Variants in RPA3 observed in about 807,000 individuals in gnomAD.
RPA3 encodes the protein replication protein A 14 kDa subunit.
A neutral mutation model predicts 13.7 loss-of-function variants in RPA3; 24 were observed. That is an observed-to-expected ratio of 1.75 (90% confidence interval 1.27 to 2.46). The LOEUF (loss-of-function observed/expected upper bound fraction) is 2.46, where lower values mean the gene tolerates loss of function less well. RPA3 is among the 30% of genes most tolerant of loss of function. The pLI is 0.00. For synonymous variants in RPA3, 59 were observed against 51.2 expected (o/e 1.15, Z -0.65); for missense variants, 183 against 151.0 (o/e 1.21, Z -1.11).
At chr7:7,639,796 G>A (rs979726964) in intron 5 of RPA3, 1 of 159,704 alleles carries the variant, frequency 6.3e-6, no homozygotes, top group African/African-American at 2.4e-5. Context: ...CTGATTCCAA[G>A]ACTTTGGGCC....
At chr7:7,697,076 G>C (rs74960414) in intron 2 of RPA3, among the ~76,000 whole-genome samples, 6,929 of 152,132 alleles carry the variant, frequency 0.046, 552 homozygotes, top group African/African-American at 0.16. Context: ...TGTGGTAGAT[G>C]AGATGATTTT....
chr7:7,677,898 C>T (rs896937718), intron 4 of RPA3, among the ~76,000 whole-genome samples: 2 of 151,636 alleles, frequency 1.3e-5, no homozygotes, highest in African/African-American at 4.9e-5. Flanking sequence ...TGGTCTCGAT[C>T]TCCTGACCTC....
At chr7:7,716,888 A>ACACC (rs1780921956) in intron 1 of RPA3, among the ~76,000 whole-genome samples, 1 of 151,962 alleles carries the variant, frequency 6.6e-6, no homozygotes. Flanking sequence ...GGAGCATGCT[A>ACACC]TGTAAATGGC....
chr7:7,707,047 A>G (rs1320235561), intron 2 of RPA3, among the ~76,000 whole-genome samples: 1 of 152,196 alleles, frequency 6.6e-6, no homozygotes, highest in Non-Finnish European at 1.5e-5. Flanking sequence ...GTGTCAGGAC[A>G]CTAATTAATT....
chr7:7,681,909 A>G (rs62432579), intron 4 of RPA3, among the ~76,000 whole-genome samples: 2 of 152,186 alleles, frequency 1.3e-5, no homozygotes, highest in Non-Finnish European at 2.9e-5. Flanking sequence ...AACTAAGACA[A>G]AAGCATGAAT....
At chr7:7,655,607 T>G (rs142920835) in intron 4 of RPA3, among the ~76,000 whole-genome samples, 21 of 152,310 alleles carry the variant, frequency 1.4e-4, no homozygotes, top group African/African-American at 5.1e-4. Flanking sequence ...CTCAGTTGGC[T>G]GAAAGCATCT....
chr7:7,678,742 G>T, intron 4 of RPA3, among the ~76,000 whole-genome samples: 10 of 116,138 alleles, frequency 8.6e-5, no homozygotes, highest in African/African-American at 1.1e-4. Flanking sequence ...TATATATTTA[G>T]TTTATAAATA....
At chr7:7,676,333 G>C (rs564726068) in intron 4 of RPA3, 2 of 392,404 alleles carry the variant, frequency 5.1e-6, no homozygotes, top group African/African-American at 4.1e-5. Context: ...GAAAAACCCT[G>C]TGAGTGAGGT....
At chr7:7,674,308 C>G (rs1397233974) in intron 4 of RPA3, among the ~76,000 whole-genome samples, 1 of 152,192 alleles carries the variant, frequency 6.6e-6, no homozygotes, top group Non-Finnish European at 1.5e-5. Flanking sequence ...TTGGCCCCAT[C>G]AGACTGGCAT....
chr7:7,674,153 C>T (rs1779681765), intron 4 of RPA3, among the ~76,000 whole-genome samples: 1 of 152,160 alleles, frequency 6.6e-6, no homozygotes, highest in African/African-American at 2.4e-5. Context: ...GGTTCTCATC[C>T]TTTTCCATGC....
At position 7,639,085 on chromosome 7, in the gene RPA3, G is replaced by A. The variant is rs772851196; in HGVS notation, c.159C>T (p.Ile53=). Reference sequence around the variant, plus strand: ...TTAAACATACGGGTTCCATCAACTCGATGGTTCCATTTTTTCCTTCTCCAT... The same window carrying A: ...TTAAACATACGGGTTCCATCAACTCAATGGTTCCATTTTTTCCTTCTCCAT... ...LSDGEGKNGT[I]ELMEPLDEEI... Residue 53 remains isoleucine, a synonymous_variant, in exon 6 of 8, where the codon ATC becomes ATT. Transcript: ENST00000223129. The A allele has an allele frequency of 3.1e-6, 5 of 1,611,932 alleles. No homozygotes were observed. The Admixed American group carries it at 8.4e-5, about 27-fold the overall frequency.
intron 2 of RPA3, among the ~76,000 whole-genome samples, chr7:7,691,343 A>G (rs1780167818): frequency 1.3e-5 from 2 of 152,214 alleles, no homozygotes. Flanking sequence ...TGTAGTCGTC[A>G]TCATTATTTT....
At chr7:7,674,430 T>A (rs1329003078) in intron 4 of RPA3, among the ~76,000 whole-genome samples, 3 of 152,236 alleles carry the variant, frequency 2.0e-5, no homozygotes, top group Non-Finnish European at 4.4e-5. Context: ...GGATAAACTT[T>A]ACTATAGAAT....
At chr7:7,703,864 C>T (rs547645215) in intron 2 of RPA3, among the ~76,000 whole-genome samples, 1 of 152,066 alleles carries the variant, frequency 6.6e-6, no homozygotes, top group Non-Finnish European at 1.5e-5. Flanking sequence ...ATTGCTTGAG[C>T]CTGGGAGGTT....
chr7:7,711,739 G>T (rs760661806), intron 2 of RPA3, among the ~76,000 whole-genome samples: 3 of 152,032 alleles, frequency 2.0e-5, no homozygotes, highest in Non-Finnish European at 2.9e-5. Context: ...TACAAATTTT[G>T]TTGCATTTTA....
intron 4 of RPA3, among the ~76,000 whole-genome samples, chr7:7,644,776 G>A (rs1373501757): frequency 6.6e-6 from 1 of 152,096 alleles, no homozygotes; most frequent in Non-Finnish European, 1.5e-5. Context: ...GTCTGGGGCT[G>A]TGTTCTCGGG....
chr7:7,637,713 T>G (rs1158776167), intron 7 of RPA3, 151 bp downstream of exon 7: 2 of 451,806 alleles, frequency 4.4e-6, no homozygotes, highest in African/African-American at 3.9e-5. Context: ...AAACTGTATG[T>G]TATGTAATTA....
chr7:7,643,442 G>A (rs188332387), intron 4 of RPA3, among the ~76,000 whole-genome samples: 19 of 152,304 alleles, frequency 1.2e-4, no homozygotes, highest in Middle Eastern at 3.4e-3. Context: ...CGGGCGCGGT[G>A]GCTCACGCCT....
intron 2 of RPA3, among the ~76,000 whole-genome samples, chr7:7,695,434 C>T (rs540175490): frequency 6.6e-6 from 1 of 151,504 alleles, no homozygotes; most frequent in Non-Finnish European, 1.5e-5. Context: ...AGACATAATA[C>T]GTTGATTTTT....
Sources: gnomAD v4.1 joint callset for allele counts (sites outside exome capture counted in the v4.1 genomes callset) on GRCh38, gnomAD v4.1.1 for gene constraint, MANE v1.5 for transcripts, NCBI Gene and HGNC (gene_info 2026-07-23, HGNC 2026-07-21) for gene names.